Variants in CRYL1 observed in about 807,000 individuals in gnomAD.
The protein encoded by CRYL1 is lambda-crystallin homolog.
Under a neutral mutation model 36.6 loss-of-function variants are expected in CRYL1, and 29 were observed. The observed-to-expected ratio is 0.79, with a 90% CI of 0.59 to 1.08. CRYL1 has a LOEUF of 1.08. CRYL1 is among the 50% of genes least tolerant of loss of function. The pLI, the probability that CRYL1 is intolerant of heterozygous loss-of-function variation, is 0.00. For missense variants in CRYL1, 411 were observed against 407.9 expected, an observed-to-expected ratio of 1.01 and a Z score of -0.06; for synonymous variants, 152 against 151.5, an observed-to-expected ratio of 1.00 and a Z score of -0.02.
intron 5 of CRYL1, among the ~76,000 whole-genome samples, chr13:20,422,959 T>C (rs940023439): frequency 3.3e-5 from 5 of 152,230 alleles, no homozygotes; most frequent in African/African-American, 1.2e-4. Flanking sequence ...TCTTCAGTTT[T>C]TTCATCAGTG....
chr13:20,475,210 C>A (rs7992963), intron 3 of CRYL1, among the ~76,000 whole-genome samples: 7,545 of 152,208 alleles, frequency 0.05, 489 homozygotes, highest in African/African-American at 0.15. Context: ...AGAGGGCCTC[C>A]CCGCATTCCC....
Position 20,489,818 on chromosome 13 carries a change from G to A in CRYL1, c.150-322C>T, listed in dbSNP as rs147794046. 4.7e-3 allele frequency among the ~76,000 whole-genome samples: 709 copies of A among 152,268 alleles called. 24 individuals are homozygous for A. The highest frequency in any genetic ancestry group is 0.043 in the Admixed American group (653 of 15,294). ...TATAAACCCAAAATAATGGAAAGCA[G>A]GGTCTCCAAGAGATTTTTGTACACC... On this transcript the variant is annotated intron_variant, in intron 2 of 7. Transcript: ENST00000298248.
chr13:20,462,906 T>C (rs1274543934), intron 3 of CRYL1, among the ~76,000 whole-genome samples: 1 of 152,174 alleles, frequency 6.6e-6, no homozygotes, highest in African/African-American at 2.4e-5. Context: ...ATTACTAGTA[T>C]CTCCCAGCAA....
intron 3 of CRYL1, among the ~76,000 whole-genome samples, chr13:20,444,812 G>A (rs1373402051): frequency 3.3e-5 from 5 of 152,188 alleles, no homozygotes; most frequent in African/African-American, 4.8e-5. Context: ...TGCCTCTCAG[G>A]TTCAAGCGAT....
chr13:20,439,127 C>T (rs937033492), intron 4 of CRYL1, among the ~76,000 whole-genome samples: 3 of 152,246 alleles, frequency 2.0e-5, no homozygotes, highest in Non-Finnish European at 4.4e-5. Context: ...CAAAACCAAC[C>T]CTACTCTGAA....
At chr13:20,417,572 A>G (rs955569382) in intron 5 of CRYL1, among the ~76,000 whole-genome samples, 2 of 152,228 alleles carry the variant, frequency 1.3e-5, no homozygotes, top group Non-Finnish European at 2.9e-5. Flanking sequence ...GAATACTACA[A>G]TCACTGTTAG....
chr13:20,476,482 C>G (rs761309652), intron 3 of CRYL1, among the ~76,000 whole-genome samples: 1 of 152,178 alleles, frequency 6.6e-6, no homozygotes, highest in Non-Finnish European at 1.5e-5. Context: ...TTGATTTCCC[C>G]CAGTGGTTCA....
chr13:20,444,681 T>C (rs1396607088), intron 3 of CRYL1, among the ~76,000 whole-genome samples: 1 of 152,256 alleles, frequency 6.6e-6, no homozygotes, highest in Non-Finnish European at 1.5e-5. Flanking sequence ...TTTTACTGCA[T>C]TTCTAGTATT....
At chr13:20,413,904 G>T (rs1473701798) in intron 5 of CRYL1, among the ~76,000 whole-genome samples, 1 of 152,168 alleles carries the variant, frequency 6.6e-6, no homozygotes, top group African/African-American at 2.4e-5. Flanking sequence ...GCTTGGCGTG[G>T]TGGCTCACAC....
At chr13:20,515,985 A>G (rs1389590609) in intron 1 of CRYL1, among the ~76,000 whole-genome samples, 1 of 152,156 alleles carries the variant, frequency 6.6e-6, no homozygotes, top group African/African-American at 2.4e-5. Flanking sequence ...TGAGGTCAGG[A>G]GATCAAGACC....
At chr13:20,454,627 G>T (rs1439900575) in intron 3 of CRYL1, among the ~76,000 whole-genome samples, 4 of 152,026 alleles carry the variant, frequency 2.6e-5, no homozygotes, top group Non-Finnish European at 5.9e-5. Context: ...CACCGTGTTC[G>T]CCAGGATGGC....
chr13:20,413,295 A>T lies in CRYL1; in HGVS notation c.726T>A (p.His242Gln). 3 of 1,610,464 alleles carry T rather than the reference A, an allele frequency of 1.9e-6. No homozygotes were observed. Among genetic ancestry groups the T allele is most frequent in the Non-Finnish European group, 2.5e-6 (3 of 1,176,818 alleles). ...YAFIGPLETM[H>Q]LNAEGMLSYC... ...CCAGATGCATACCTTCTGCATTGAG[A>T]TGCATGGTTTCCAGGGGTCCAATGA... The change falls in exon 6 of 8, where the codon CAT becomes CAA. Residue 242 changes from histidine to glutamine, a missense_variant. By Grantham distance (24) the His-to-Gln change is conservative (BLOSUM62 0). Transcript: ENST00000298248.
chr13:20,476,073 A>G (rs952697353), intron 3 of CRYL1, among the ~76,000 whole-genome samples: 19 of 152,182 alleles, frequency 1.2e-4, no homozygotes, highest in African/African-American at 4.6e-4. Context: ...GGTCTCTCAG[A>G]GGAAACCACA....
chr13:20,446,387 C>T (rs765684162), intron 3 of CRYL1, among the ~76,000 whole-genome samples: 1 of 152,206 alleles, frequency 6.6e-6, no homozygotes, highest in Non-Finnish European at 1.5e-5. Context: ...GCTGGGATTA[C>T]AGGCATGAGC....
At chr13:20,471,125 G>T (rs776519048) in intron 3 of CRYL1, among the ~76,000 whole-genome samples, 10 of 152,046 alleles carry the variant, frequency 6.6e-5, no homozygotes, top group Non-Finnish European at 1.3e-4. Context: ...CAGTACGGGG[G>T]TGGTTGTGTG....
intron 2 of CRYL1, among the ~76,000 whole-genome samples, chr13:20,507,078 G>A (rs1029437574): frequency 6.6e-5 from 10 of 152,190 alleles, no homozygotes; most frequent in Non-Finnish European, 1.3e-4. Context: ...GAGATGTGCC[G>A]TTCACCTTCA....
At chr13:20,469,878 C>G (rs2033019460) in intron 3 of CRYL1, among the ~76,000 whole-genome samples, 1 of 152,130 alleles carries the variant, frequency 6.6e-6, no homozygotes, top group Non-Finnish European at 1.5e-5. Flanking sequence ...AAGCCCCTCT[C>G]CTAAAGCTGC....
Position 20,470,927 on chromosome 13 carries a change from CA to C in CRYL1, c.276+18442del, listed in dbSNP as rs1282081880. 4.3e-3 allele frequency among the ~76,000 whole-genome samples: 493 copies of C among 113,776 alleles called. 7 individuals carry two copies. The highest frequency in any genetic ancestry group is 0.014 in the African/African-American group (421 of 29,042). The allele number at this position is 113,776 out of a possible 152,430, so 74.6% of individuals were successfully genotyped here. A position where few individuals can be genotyped will look rare whatever the true frequency, so the allele number is the denominator to read the frequency against. On this transcript the variant is annotated intron_variant, in intron 3 of 7. Coordinates refer to ENST00000298248, the MANE Select transcript of CRYL1 (RefSeq NM_015974.3). ...CTCCATCTCAAAAAAAAAAAAAAAA[CA>C]AAAAAAAAAACCCATGACACACATA...
At chr13:20,495,059 C>T (rs1047886343) in intron 2 of CRYL1, among the ~76,000 whole-genome samples, 1 of 152,236 alleles carries the variant, frequency 6.6e-6, no homozygotes, top group Admixed American at 6.5e-5. Flanking sequence ...CCAACAAATC[C>T]ACATGCCACA....
Sources: allele counts gnomAD v4.1 joint callset (sites outside exome capture counted in the v4.1 genomes callset), GRCh38; gene constraint gnomAD v4.1.1; transcripts MANE v1.5; gene names NCBI Gene and HGNC (gene_info 2026-07-23, HGNC 2026-07-21).